The following CSMD1 variants were observed in gnomAD, a reference collection of about 807,000 sequenced individuals.
The protein encoded by CSMD1 is CUB and sushi domain-containing protein 1.
Under a neutral mutation model 417.5 loss-of-function variants are expected in CSMD1, and 213 were observed. The ratio of observed to expected loss-of-function variants is 0.51; its 90% CI spans 0.46 to 0.57. The LOEUF is 0.57. CSMD1 is among the 20% of genes least tolerant of loss of function. CSMD1 has a pLI of 0.00. For synonymous variants in CSMD1, 2,862 were observed against 1,736.8 expected (o/e 1.65, Z -16.11); for missense variants, 6,923 against 4,529.7 (o/e 1.53, Z -15.17).
intron 3 of CSMD1, among the ~76,000 whole-genome samples, chr8:4,217,626 T>G (rs1292509963): frequency 1.3e-5 from 2 of 150,574 alleles, no homozygotes; most frequent in Non-Finnish European, 3.0e-5. Flanking sequence ...TTTGAGAAAC[T>G]GTTGAAAAAG....
Position 3,201,709 on chromosome 8 carries a change from A to G in CSMD1, c.5001T>C (p.Phe1667=), listed in dbSNP as rs1797002377. 5.6e-6 allele frequency: 9 copies of G among 1,598,180 alleles called. No individual in the cohort carries two copies. Among genetic ancestry groups the G allele is most frequent in the African/African-American group, 1.3e-5 (1 of 74,662 alleles). Residue 1667 remains phenylalanine (F), a synonymous_variant, in exon 32 of 70, where the codon TTT becomes TTC. Coordinates refer to ENST00000635120, the MANE Select transcript of CSMD1 (RefSeq NM_033225.6). ...VPKEFVVFGQ[F]AYFQTALNDL... is the part of the protein sequence containing the mutation. ...CATTCAGGGCTGTCTGGAAATAGGC[A>G]AACTGTCCAAAGACCACTAAAAAAT...
intron 1 of CSMD1, among the ~76,000 whole-genome samples, chr8:4,935,037 T>C (rs1807514562): frequency 6.6e-6 from 1 of 152,244 alleles, no homozygotes; most frequent in Admixed American, 6.5e-5. Context: ...TAAGGATTTC[T>C]ATATACACAC....
intron 6 of CSMD1, among the ~76,000 whole-genome samples, chr8:3,743,886 C>A (rs1227497159): frequency 1.3e-5 from 2 of 152,182 alleles, no homozygotes; most frequent in African/African-American, 4.8e-5. Context: ...AATCCAGATT[C>A]CCTGCCTTTT....
chr8:4,877,439 C>T (rs1803113828), intron 1 of CSMD1, among the ~76,000 whole-genome samples: 1 of 151,972 alleles, frequency 6.6e-6, no homozygotes, highest in Non-Finnish European at 1.5e-5. Context: ...ATTTCTGTCC[C>T]TTATAAACAC....
intron 3 of CSMD1, among the ~76,000 whole-genome samples, chr8:4,406,769 A>T (rs1805054645): frequency 6.6e-6 from 1 of 152,210 alleles, no homozygotes; most frequent in Admixed American, 6.5e-5. Flanking sequence ...AAAATAATTT[A>T]CTAGAACTCC....
At chr8:4,016,768 A>C (rs1267039093) in intron 4 of CSMD1, among the ~76,000 whole-genome samples, 1 of 152,334 alleles carries the variant, frequency 6.6e-6, no homozygotes, top group Non-Finnish European at 1.5e-5. Context: ...TGTTGACCTA[A>C]GTTTATGTGT....
intron 1 of CSMD1, among the ~76,000 whole-genome samples, chr8:4,807,761 T>G (rs985493810): frequency 4.6e-5 from 7 of 152,188 alleles, no homozygotes; most frequent in African/African-American, 1.7e-4. Flanking sequence ...TATCACAGTA[T>G]GTAAACTATC....
At chr8:3,168,279 C>A (rs10103559) in intron 37 of CSMD1, among the ~76,000 whole-genome samples, 99,636 of 151,948 alleles carry the variant, frequency 0.66, 34,125 homozygotes, top group East Asian at 0.88. Flanking sequence ...TTTGAAAAGA[C>A]AACAACTTGT....
chr8:4,443,264 T>A (rs1301629918), intron 2 of CSMD1, among the ~76,000 whole-genome samples: 4 of 152,182 alleles, frequency 2.6e-5, no homozygotes, highest in African/African-American at 9.7e-5. Flanking sequence ...ATCATCAGCA[T>A]CAATCAATCT....
chr8:4,642,787 G>A (rs536361949), intron 1 of CSMD1, among the ~76,000 whole-genome samples: 14 of 152,162 alleles, frequency 9.2e-5, no homozygotes, highest in Non-Finnish European at 1.9e-4. Context: ...TGAGGGAATG[G>A]TTTTGCTATT....
chr8:4,260,931 C>G (rs977880894), intron 3 of CSMD1, among the ~76,000 whole-genome samples: 1 of 152,062 alleles, frequency 6.6e-6, no homozygotes, highest in East Asian at 1.9e-4. Flanking sequence ...TTAGTATTTA[C>G]CTGGTGTATT....
intron 5 of CSMD1, among the ~76,000 whole-genome samples, chr8:3,896,399 A>T (rs1178003548): frequency 2.6e-5 from 4 of 152,242 alleles, no homozygotes; most frequent in Non-Finnish European, 5.9e-5. Flanking sequence ...ACAGTGATTA[A>T]TCTTCACATG....
intron 7 of CSMD1, among the ~76,000 whole-genome samples, chr8:3,663,590 C>G (rs907863751): frequency 6.6e-6 from 1 of 152,186 alleles, no homozygotes; most frequent in East Asian, 1.9e-4. Context: ...CCTCTGCTCA[C>G]TGAGATAAAC....
chr8:3,409,086 C>G (rs1410298479), intron 13 of CSMD1, among the ~76,000 whole-genome samples: 1 of 152,124 alleles, frequency 6.6e-6, no homozygotes, highest in Non-Finnish European at 1.5e-5. Flanking sequence ...ATTATTAAGT[C>G]ACAAAGGACT....
intron 2 of CSMD1, among the ~76,000 whole-genome samples, chr8:4,434,906 A>G (rs1798069529): frequency 6.6e-6 from 1 of 152,212 alleles, no homozygotes; most frequent in Non-Finnish European, 1.5e-5. Context: ...TTTTGTCAGC[A>G]CATGACTCTG....
At chr8:4,156,852 TA>T (rs1414856037) in intron 3 of CSMD1, among the ~76,000 whole-genome samples, 1 of 152,066 alleles carries the variant, frequency 6.6e-6, no homozygotes, top group African/African-American at 2.4e-5. Context: ...GGAGGCTTTT[TA>T]ATTTATCTGA....
intron 37 of CSMD1, among the ~76,000 whole-genome samples, chr8:3,169,583 T>A (rs955601677): frequency 6.6e-6 from 1 of 152,140 alleles, no homozygotes; most frequent in Non-Finnish European, 1.5e-5. Flanking sequence ...ATTGTAGAGA[T>A]TGGCTACAAA....
rs566587405 is a variant in CSMD1 at position 3,587,300 on chromosome 8, C to T, written c.1098-1040G>A. ...ACACCACCCAGTTACTTCTTCTGAG[C>T]CTGGCTTCTGGCATTGAATTAAATG... On this transcript the variant is annotated intron_variant, in intron 8 of 69. Transcript: ENST00000635120. Among the ~76,000 whole-genome samples the T allele has an allele frequency of 5.9e-5, 9 of 152,320 alleles. No individual in the cohort carries two copies. The East Asian group carries it at 1.2e-3, about 20-fold the overall frequency.
chr8:4,747,786 A>G (rs1044436923), intron 1 of CSMD1, among the ~76,000 whole-genome samples: 2 of 151,874 alleles, frequency 1.3e-5, no homozygotes, highest in Admixed American at 6.6e-5. Context: ...GATAGAGGCT[A>G]AAAAAAACAT....
Sources: allele counts gnomAD v4.1 joint callset (sites outside exome capture counted in the v4.1 genomes callset), GRCh38; gene constraint gnomAD v4.1.1; transcripts MANE v1.5; gene names NCBI Gene and HGNC (gene_info 2026-07-23, HGNC 2026-07-21).